The following DPP10 variants were observed in gnomAD, a reference collection of about 807,000 sequenced individuals.
DPP10 encodes inactive dipeptidyl peptidase 10.
Under a neutral mutation model 120.9 loss-of-function variants are expected in DPP10, and 33 were observed. The ratio of observed to expected loss-of-function variants is 0.27; its 90% CI spans 0.21 to 0.37. DPP10 has a LOEUF of 0.37. DPP10 is among the 10% of genes least tolerant of loss of function. The probability of loss-of-function intolerance (pLI) is 1.00; values close to 1 mark genes in which losing one functional copy is unlikely to be tolerated. For missense variants in DPP10, 816 were observed against 942.8 expected, an observed-to-expected ratio of 0.87 and a Z score of 1.76; for synonymous variants, 337 against 326.1, an observed-to-expected ratio of 1.03 and a Z score of -0.36.
intron 1 of DPP10, among the ~76,000 whole-genome samples, chr2:114,741,998 A>C (rs573783955): frequency 2.0e-5 from 3 of 152,330 alleles, no homozygotes; most frequent in African/African-American, 7.2e-5. Context: ...CAAGGAGTCA[A>C]CAAACCAGTT....
intron 1 of DPP10, among the ~76,000 whole-genome samples, chr2:114,683,555 TCTCC>T (rs1276469239): frequency 8.2e-4 from 115 of 140,722 alleles, no homozygotes; most frequent in South Asian, 1.8e-3. Flanking sequence ...TCCCTCTCTC[TCTCC>T]CTCCCTCCCT....
rs184272613 is a variant in DPP10 at position 115,631,882 on chromosome 2, A to T, written c.442-57805A>T. Among the ~76,000 whole-genome samples, 16 of 152,236 alleles carry T rather than the reference A, an allele frequency of 1.1e-4. No homozygotes were observed. The East Asian group carries it at 2.9e-3, about 28-fold the overall frequency. On this transcript the variant is annotated intron_variant, in intron 5 of 25. Coordinates refer to ENST00000410059, the MANE Select transcript of DPP10 (RefSeq NM_020868.6). ...CCATGTAGCACTCAGAAGAATTTAT[A>T]TTCTGTTGTTTTGGGGTGGAGAGTT... is the stretch of plus-strand genomic sequence containing the variant.
chr2:115,588,616 A>C (rs2082437466), intron 5 of DPP10, among the ~76,000 whole-genome samples: 1 of 152,226 alleles, frequency 6.6e-6, no homozygotes, highest in South Asian at 2.1e-4. Flanking sequence ...ACAGGAAACA[A>C]AGGGTGTTTT....
chr2:115,508,041 G>C (rs1325976183), intron 4 of DPP10, among the ~76,000 whole-genome samples: 1 of 152,012 alleles, frequency 6.6e-6, no homozygotes, highest in Admixed American at 6.6e-5. Flanking sequence ...ATTCTATTTT[G>C]AATATTTTGC....
chr2:115,614,371 C>G (rs557346507), intron 5 of DPP10, among the ~76,000 whole-genome samples: 17 of 152,024 alleles, frequency 1.1e-4, no homozygotes, highest in Non-Finnish European at 2.4e-4. Flanking sequence ...TTCAAGTGCC[C>G]CTCTGTTGGT....
chr2:114,765,036 A>G (rs1281537512), intron 1 of DPP10, among the ~76,000 whole-genome samples: 1 of 152,150 alleles, frequency 6.6e-6, no homozygotes, highest in Non-Finnish European at 1.5e-5. Flanking sequence ...TGATTGGTCC[A>G]TATTGGGGCC....
intron 1 of DPP10, among the ~76,000 whole-genome samples, chr2:115,210,888 C>A (rs533393103): frequency 6.6e-6 from 1 of 151,486 alleles, no homozygotes; most frequent in Non-Finnish European, 1.5e-5. Context: ...TAAATTTGTG[C>A]GTCCTCTTCT....
At chr2:115,344,922 C>T (rs1053497568) in intron 3 of DPP10, among the ~76,000 whole-genome samples, 9 of 152,098 alleles carry the variant, frequency 5.9e-5, no homozygotes, top group African/African-American at 2.2e-4. Context: ...CAGTCCATTC[C>T]TTCCTCTCTC....
chr2:114,652,871 C>T (rs1316132838), intron 1 of DPP10, among the ~76,000 whole-genome samples: 1 of 151,836 alleles, frequency 6.6e-6, no homozygotes, highest in Non-Finnish European at 1.5e-5. Context: ...CCATCGTGCC[C>T]AGACAACTCA....
chr2:114,665,276 A>G (rs1214221535), intron 1 of DPP10, among the ~76,000 whole-genome samples: 1 of 152,220 alleles, frequency 6.6e-6, no homozygotes, highest in Non-Finnish European at 1.5e-5. Flanking sequence ...TCAGTCCACC[A>G]TTCTTGAGCT....
At chr2:115,770,065 C>A (rs1340854191) in intron 13 of DPP10, among the ~76,000 whole-genome samples, 1 of 152,006 alleles carries the variant, frequency 6.6e-6, no homozygotes, top group Non-Finnish European at 1.5e-5. Flanking sequence ...CCAAAGAAGA[C>A]AATCTATCCT....
At chr2:115,039,600 T>C (rs965454224) in intron 1 of DPP10, among the ~76,000 whole-genome samples, 4 of 152,082 alleles carry the variant, frequency 2.6e-5, no homozygotes, top group African/African-American at 9.7e-5. Context: ...GTCAGTGACA[T>C]TATTCTTGCA....
chr2:115,477,014 T>C (rs2075130130), intron 3 of DPP10, among the ~76,000 whole-genome samples: 1 of 152,118 alleles, frequency 6.6e-6, no homozygotes, highest in Non-Finnish European at 1.5e-5. Flanking sequence ...AGAAAACTAT[T>C]TCAATATATT....
At position 115,288,366 on chromosome 2, in the gene DPP10, G is replaced by C. The variant is rs532821751; in HGVS notation, c.61-20873G>C. Among the ~76,000 whole-genome samples the C allele has an allele frequency of 6.6e-5, 10 of 151,750 alleles. No homozygotes were observed. The East Asian group carries it at 1.8e-3, about 27-fold the overall frequency. On this transcript the variant is annotated intron_variant, in intron 1 of 25. Coordinates refer to ENST00000410059, the MANE Select transcript of DPP10 (RefSeq NM_020868.6). ...ATCTGTTCATATGATTATCTCAATA[G>C]ACTCTTCTGAGTCTATTCAATAAAA...
At chr2:114,507,710 T>C (rs1220441171) in intron 1 of DPP10, among the ~76,000 whole-genome samples, 1 of 152,226 alleles carries the variant, frequency 6.6e-6, no homozygotes, top group African/African-American at 2.4e-5. Context: ...ATCTCAGCTG[T>C]ACCACTGATT....
rs147594838 is a variant in DPP10 at position 115,483,096 on chromosome 2, G to C, written c.272-16414G>C. Among the ~76,000 whole-genome samples the C allele has an allele frequency of 1.4e-4, 21 of 152,094 alleles. No homozygotes were observed. The East Asian group carries it at 3.9e-3, about 28-fold the overall frequency. ...GGTTAATGGTAGTATCTGATAACAG[G>C]ATGAAATGTAGGTAGGGTGGAGAAT... is the stretch of plus-strand genomic sequence containing the variant. On this transcript the variant is annotated intron_variant, in intron 3 of 25. Coordinates refer to ENST00000410059, the MANE Select transcript of DPP10 (RefSeq NM_020868.6).
chr2:114,988,904 T>A (rs973569806), intron 1 of DPP10, among the ~76,000 whole-genome samples: 2 of 151,960 alleles, frequency 1.3e-5, no homozygotes, highest in African/African-American at 4.8e-5. Flanking sequence ...TCTGCATTGA[T>A]GGTGAATTCG....
chr2:115,520,198 G>A (rs2077722515), intron 4 of DPP10, among the ~76,000 whole-genome samples: 1 of 152,026 alleles, frequency 6.6e-6, no homozygotes, highest in Admixed American at 6.6e-5. Context: ...GGCACCTGTA[G>A]TCCCAGCTAC....
At chr2:114,804,025 G>A (rs576246421) in intron 1 of DPP10, among the ~76,000 whole-genome samples, 23 of 152,264 alleles carry the variant, frequency 1.5e-4, no homozygotes, top group African/African-American at 3.6e-4. Flanking sequence ...CAGGGTCCCC[G>A]CGCTCTGTGC....
Sources: allele counts gnomAD v4.1 joint callset (sites outside exome capture counted in the v4.1 genomes callset), GRCh38; gene constraint gnomAD v4.1.1; transcripts MANE v1.5; gene names NCBI Gene and HGNC (gene_info 2026-07-23, HGNC 2026-07-21).